VPS50: variants seen among roughly 807,000 people sequenced by gnomAD.
VPS50 encodes the protein VPS50 subunit of EARP/GARPII complex.
Under a neutral mutation model 139.7 loss-of-function variants are expected in VPS50, and 70 were observed. That is an observed-to-expected ratio of 0.50 (90% CI 0.41 to 0.61). VPS50 has a LOEUF of 0.61. VPS50 is among the 20% of genes least tolerant of loss of function. VPS50 has a pLI of 0.00. For missense variants in VPS50, 921 were observed against 1,133.7 expected, an observed-to-expected ratio of 0.81 and a Z score of 2.69; for synonymous variants, 365 against 376.7, an observed-to-expected ratio of 0.97 and a Z score of 0.36.
chr7:93,235,761 C>T lies in VPS50; in HGVS notation c.33+3261C>T, dbSNP rs151077592. Reference sequence around the variant, plus strand: ...GTTTTTGGACTTGTTAATTTGAAAGCCTCTTAAATATTCAACTGGAGAGAT... The same window carrying T: ...GTTTTTGGACTTGTTAATTTGAAAGTCTCTTAAATATTCAACTGGAGAGAT... On this transcript the variant is annotated intron_variant, in intron 1 of 27. Coordinates refer to ENST00000305866, the MANE Select transcript of VPS50 (RefSeq NM_017667.4). Among the ~76,000 whole-genome samples the T allele has an allele frequency of 9.2e-4, 140 of 152,264 alleles. 1 individual carries two copies. The highest frequency in any genetic ancestry group is 3.2e-3 in the African/African-American group (135 of 41,542).
intron 15 of VPS50, 154 bp downstream of exon 15, chr7:93,296,990 G>C (rs1796830166): frequency 2.8e-6 from 4 of 1,436,656 alleles, no homozygotes; most frequent in Non-Finnish European, 3.6e-6. Flanking sequence ...CTGCCCTTTG[G>C]GTGTTTGTAA....
intron 21 of VPS50, among the ~76,000 whole-genome samples, chr7:93,324,258 T>C (rs1320751787): frequency 1.3e-5 from 2 of 152,230 alleles, no homozygotes; most frequent in Non-Finnish European, 2.9e-5. Context: ...CTTGCTCTTT[T>C]CCTAATTGAA....
intron 23 of VPS50, among the ~76,000 whole-genome samples, chr7:93,342,907 ACT>A (rs1480216465): frequency 7.9e-5 from 12 of 152,326 alleles, no homozygotes; most frequent in Middle Eastern, 3.4e-3. Flanking sequence ...AAACCTGGAA[ACT>A]CTAAAAAGCA....
chr7:93,341,029 G>A (rs1285237689), intron 22 of VPS50, among the ~76,000 whole-genome samples: 2 of 152,186 alleles, frequency 1.3e-5, no homozygotes, highest in African/African-American at 2.4e-5. Context: ...AAATTTGGGT[G>A]TGAGATGGTT....
chr7:93,322,713 T>G (rs1465020663), intron 20 of VPS50, among the ~76,000 whole-genome samples: 2 of 152,136 alleles, frequency 1.3e-5, no homozygotes, highest in Non-Finnish European at 2.9e-5. Flanking sequence ...ATGGCCTGTT[T>G]TAAGATCTTC....
At chr7:93,241,565 T>C (rs191734649) in intron 2 of VPS50, among the ~76,000 whole-genome samples, 1 of 152,284 alleles carries the variant, frequency 6.6e-6, no homozygotes, top group East Asian at 1.9e-4. Context: ...GTTTGTTTTT[T>C]CTGTGTTCTC....
intron 12 of VPS50, among the ~76,000 whole-genome samples, chr7:93,281,351 A>G (rs1389056115): frequency 6.6e-6 from 1 of 152,216 alleles, no homozygotes; most frequent in African/African-American, 2.4e-5. Flanking sequence ...TGTTATTAGT[A>G]TAAAACCCCA....
intron 26 of VPS50, among the ~76,000 whole-genome samples, chr7:93,354,291 TTTTC>T (rs906411768): frequency 7.7e-5 from 9 of 116,464 alleles, no homozygotes; most frequent in South Asian, 7.3e-4. Flanking sequence ...TTTTCTTTTC[TTTTC>T]TTTCTTTTTT....
chr7:93,254,678 T>A (rs1016197481), intron 4 of VPS50, among the ~76,000 whole-genome samples: 1 of 152,188 alleles, frequency 6.6e-6, no homozygotes, highest in Non-Finnish European at 1.5e-5. Context: ...GACTCCCTTT[T>A]GTTTATCAGT....
chr7:93,315,569 C>T (rs1254900582), intron 20 of VPS50, among the ~76,000 whole-genome samples: 1 of 152,188 alleles, frequency 6.6e-6, no homozygotes, highest in African/African-American at 2.4e-5. Flanking sequence ...TTCTTAGTCT[C>T]AGCAACACTG....
At chr7:93,327,186 G>T (rs555598043) in intron 21 of VPS50, among the ~76,000 whole-genome samples, 1 of 152,196 alleles carries the variant, frequency 6.6e-6, no homozygotes, top group Non-Finnish European at 1.5e-5. Context: ...GCAATGTCTG[G>T]TATGGTAACC....
intron 12 of VPS50, among the ~76,000 whole-genome samples, chr7:93,285,860 AT>A (rs1223202387): frequency 3.3e-5 from 5 of 152,232 alleles, no homozygotes; most frequent in Non-Finnish European, 2.9e-5. Context: ...AGCTTCTTGC[AT>A]GGAACATCCA....
At chr7:93,236,727 T>C (rs62466772) in intron 1 of VPS50, among the ~76,000 whole-genome samples, 1 of 152,154 alleles carries the variant, frequency 6.6e-6, no homozygotes, top group Non-Finnish European at 1.5e-5. Flanking sequence ...TTTATAAAAC[T>C]GATAAAGTGT....
rs895682342 is a variant in VPS50, at chr7:93,262,112, C to T, written c.659+2480C>T. Among the ~76,000 whole-genome samples, 3 of 152,200 alleles carry T rather than the reference C, an allele frequency of 2.0e-5. 1 individual carries two copies. The highest frequency in any genetic ancestry group is 2.0e-4 in the Admixed American group (3 of 15,288). On this transcript the variant is annotated intron_variant, in intron 9 of 27. Transcript: ENST00000305866. ...GAAAATAAAATAGCATAATAATATA[C>T]TAAGGCTTTGCAGGGATTATAGCAG...
chr7:93,328,261 T>G (rs1261564403), intron 21 of VPS50, among the ~76,000 whole-genome samples: 1 of 152,204 alleles, frequency 6.6e-6, no homozygotes, highest in East Asian at 1.9e-4. Context: ...TGTAACTTAC[T>G]TAAAACAGTA....
chr7:93,324,963 A>T (rs995713168), intron 21 of VPS50, among the ~76,000 whole-genome samples: 1 of 152,114 alleles, frequency 6.6e-6, no homozygotes, highest in African/African-American at 2.4e-5. Flanking sequence ...TTCATATGGA[A>T]CCAAAAAAGA....
At chr7:93,349,304 T>C (rs1205867496) in intron 24 of VPS50, among the ~76,000 whole-genome samples, 1 of 151,676 alleles carries the variant, frequency 6.6e-6, no homozygotes, top group Non-Finnish European at 1.5e-5. Flanking sequence ...TGGGAGGAGG[T>C]CTGGGGATGA....
At chr7:93,312,600 CAAG>C (rs886928501) in intron 20 of VPS50, among the ~76,000 whole-genome samples, 4 of 152,126 alleles carry the variant, frequency 2.6e-5, no homozygotes, top group African/African-American at 7.2e-5. Context: ...CCCTTAGAAG[CAAG>C]AAGAATAAGT....
chr7:93,323,904 A>G (rs1797691474), intron 21 of VPS50, among the ~76,000 whole-genome samples, 172 bp downstream of exon 21: 1 of 152,174 alleles, frequency 6.6e-6, no homozygotes, highest in Non-Finnish European at 1.5e-5. Context: ...CCTTACTTTT[A>G]TATTAATTTT....
Sources: allele counts gnomAD v4.1 joint callset (sites outside exome capture counted in the v4.1 genomes callset), GRCh38; gene constraint gnomAD v4.1.1; transcripts MANE v1.5; gene names NCBI Gene and HGNC (gene_info 2026-07-23, HGNC 2026-07-21).